KDM2B: variants seen among roughly 807,000 people sequenced by gnomAD.
KDM2B encodes the protein lysine-specific demethylase 2B.
KDM2B carries 26 observed loss-of-function variants against 150.0 expected under a neutral mutation model. The ratio of observed to expected loss-of-function variants is 0.17; its 90% CI spans 0.13 to 0.24. The LOEUF (loss-of-function observed/expected upper bound fraction) is 0.24. Ranked by LOEUF, KDM2B falls within the 10% of genes least tolerant of loss-of-function variation. KDM2B has a pLI of 1.00. For missense variants in KDM2B, 1,265 were observed against 1,816.9 expected, an observed-to-expected ratio of 0.70 and a Z score of 5.52; for synonymous variants, 734 against 729.5, an observed-to-expected ratio of 1.01 and a Z score of -0.10.
intron 22 of KDM2B, among the ~76,000 whole-genome samples, chr12:121,439,537 C>A (rs573289434): frequency 6.6e-6 from 1 of 151,798 alleles, no homozygotes; most frequent in Non-Finnish European, 1.5e-5. Context: ...CGGCCACCAA[C>A]CCCCGGCTAA....
chr12:121,570,702 C>A (rs1157662536), intron 4 of KDM2B, among the ~76,000 whole-genome samples: 1 of 152,044 alleles, frequency 6.6e-6, no homozygotes, highest in African/African-American at 2.4e-5. Context: ...GAAACCAGAA[C>A]CCCTACACAC....
chr12:121,495,165 T>C (rs1883791029), intron 11 of KDM2B, among the ~76,000 whole-genome samples: 1 of 135,916 alleles, frequency 7.4e-6, no homozygotes, highest in African/African-American at 2.9e-5. Flanking sequence ...CCTGGCTAAA[T>C]TTTTTTTTTT....
chr12:121,542,743 C>A (rs2141842968), intron 6 of KDM2B, among the ~76,000 whole-genome samples: 1 of 152,272 alleles, frequency 6.6e-6, no homozygotes, highest in Admixed American at 6.5e-5. Context: ...CAGAGATGCA[C>A]CTTGTCTTCA....
chr12:121,423,395 G>C, the KDM2B span: 1 of 1,605,570 alleles, frequency 6.2e-7, no homozygotes, highest in Non-Finnish European at 8.5e-7. The surrounding 1 kb of genome is among the most constrained non-coding windows in gnomAD (Gnocchi z 4.3). Flanking sequence ...GATGGCGAGC[G>C]GCTGCAGCTG....
At chr12:121,529,672 G>A (rs916518689) in intron 8 of KDM2B, among the ~76,000 whole-genome samples, 1 of 152,046 alleles carries the variant, frequency 6.6e-6, no homozygotes, top group African/African-American at 2.4e-5. Context: ...GCTCATGTCT[G>A]TAATCCCAGC....
In KDM2B at chr12:121,467,393, G is replaced by A; in HGVS notation, c.1735-14049C>T. The A allele has an allele frequency of 2.1e-6, 2 of 963,988 alleles. No homozygotes were observed. The allele number at this position is 963,988 out of a possible 1,614,324, so 59.7% of individuals were successfully genotyped here. A position where few individuals can be genotyped will look rare whatever the true frequency, so the allele number is the denominator to read the frequency against. Reference sequence around the variant, plus strand: ...ACGCCCGCGCTGGAGGGGGCGGGGAGGGGCCGGCGGGGGAGGGCCGGGGCG... The same window carrying A: ...ACGCCCGCGCTGGAGGGGGCGGGGAAGGGCCGGCGGGGGAGGGCCGGGGCG... On this transcript the variant is annotated intron_variant, in intron 12 of 22. Coordinates refer to ENST00000377071, the MANE Select transcript of KDM2B (RefSeq NM_032590.5). This position sits in a 1 kb window ranked among gnomAD's most constrained non-coding sequence, Gnocchi z 5.1.
chr12:121,534,217 C>T (rs1555308317), intron 7 of KDM2B, among the ~76,000 whole-genome samples: 3 of 151,936 alleles, frequency 2.0e-5, no homozygotes, highest in East Asian at 1.9e-4. Context: ...GGCGTGGTAG[C>T]AGGCACTTGT....
At chr12:121,541,395 CAAAAAAAAAAA>C (rs59029432) in intron 6 of KDM2B, among the ~76,000 whole-genome samples, 2 of 29,346 alleles carry the variant, frequency 6.8e-5, no homozygotes, top group African/African-American at 1.7e-4. Context: ...GCCCCTGTCT[CAAAAAAAAAAA>C]AAAAAAAAAA....
intron 4 of KDM2B, among the ~76,000 whole-genome samples, chr12:121,572,554 C>T (rs531005921): frequency 1.2e-4 from 18 of 152,342 alleles, no homozygotes; most frequent in Non-Finnish European, 1.9e-4. Context: ...CCAGAGAGGG[C>T]CTCCCTGACC....
chr12:121,416,798 A>ATTAGC, the KDM2B span, among the ~76,000 whole-genome samples: 2 of 152,360 alleles, frequency 1.3e-5, no homozygotes, highest in South Asian at 4.1e-4. Flanking sequence ...ATTCAACATC[A>ATTAGC]AATACTTAGC....
chr12:121,462,555 A>G (rs1160240563), intron 12 of KDM2B, among the ~76,000 whole-genome samples: 1 of 150,978 alleles, frequency 6.6e-6, no homozygotes, highest in Admixed American at 6.6e-5. Context: ...GTGCAGTGGC[A>G]CAATCTCAGC....
chr12:121,440,892 C>T lies in KDM2B; in HGVS notation c.3534G>A (p.Leu1178=). Residue 1178 remains leucine (L), a synonymous_variant, in exon 21 of 23, where the codon CTG becomes CTA. Transcript: ENST00000377071. ...TTAGTCCCTCCACCCACTGGACATC[C>T]AGGGTCCGGAGCAGCGGACAACTGG... ...CSSSCPLLRT[L]DVQWVEGLKD... is the part of the protein sequence containing the mutation. 2.5e-6 allele frequency: 4 copies of T among 1,614,074 alleles called. No homozygotes were observed. Among genetic ancestry groups the T allele is most frequent in the Non-Finnish European group, 2.5e-6 (3 of 1,179,986 alleles).
chr12:121,433,166 A>G (rs1352872102), intron 22 of KDM2B: 3 of 456,578 alleles, frequency 6.6e-6, no homozygotes, highest in African/African-American at 6.0e-5. Flanking sequence ...TGGTTCACAT[A>G]TTCCCCAAAA....
chr12:121,442,395 G>A lies in KDM2B; in HGVS notation c.3046C>T (p.Leu1016=), dbSNP rs781967080. ...GAGATGACACGGGGCGGGCTGCGCA[G>A]GCTGGGCCCCAGCTGGTGCCGCAGC... The part of the protein sequence containing the change: ...RELRHQLGPS[L]RSPPRVISRP... The change falls in exon 19 of 23, where the codon CTG becomes TTG. Residue 1016 remains leucine, a synonymous_variant. Transcript: ENST00000377071. This position sits in a 1 kb window ranked among gnomAD's most constrained non-coding sequence, Gnocchi z 7.7. 9 of 1,595,830 alleles carry A rather than the reference G, an allele frequency of 5.6e-6. No individual in the cohort carries two copies. The African/African-American group carries it at 1.2e-4, about 21-fold the overall frequency.
At chr12:121,422,475 C>T in the KDM2B span, among the ~76,000 whole-genome samples, 1 of 152,262 alleles carries the variant, frequency 6.6e-6, no homozygotes, top group Non-Finnish European at 1.5e-5. Context: ...TATCTGCCAT[C>T]TCATCCCATA....
At position 121,578,903 on chromosome 12, in the gene KDM2B, G is replaced by C. The variant is rs1566441147; in HGVS notation, c.170C>G (p.Ser57Trp). ...RQRYDENEDLSDVEEIVSVRG... is the reference protein window; with the variant it reads ...RQRYDENEDLWDVEEIVSVRG... ...GACGCTGACGATCTCCTCCACGTCC[G>C]ACAAGTCCTCGTTCTCGTCGTATCG... Residue 57 changes from serine (S) to tryptophan (W), a missense_variant, in exon 2 of 23, where the codon TCG (serine) becomes TGG (tryptophan). Physicochemically the swap from Ser to Trp is radical, Grantham distance 177 (BLOSUM62 -3). Transcript: ENST00000377071. 6.2e-7 allele frequency: 1 copy of C among 1,612,808 alleles called. No homozygotes were observed. The highest frequency in any genetic ancestry group is 8.5e-7 in the Non-Finnish European group (1 of 1,179,600).
chr12:121,443,002 A>T lies in KDM2B; in HGVS notation c.2594T>A (p.Phe865Tyr). ...QLKPGKEDKL[F>Y]RKKRRSWKNA... Reference sequence around the variant, plus strand: ...AGGGGAAGATGGTACCTTTTTCCTGAAAAGCTTATCTTCTTTGCCAGGTTT... The same window carrying T: ...AGGGGAAGATGGTACCTTTTTCCTGTAAAGCTTATCTTCTTTGCCAGGTTT... Residue 865 changes from phenylalanine (F) to tyrosine (Y), a missense_variant, in exon 18 of 23, where the codon TTC becomes TAC. Phe to Tyr is a conservative substitution (Grantham distance 22). Around this residue, in one of 11 missense-constraint regions of KDM2B, gnomAD observed 418 missense variants for 402.4 expected, o/e 1.04. Transcript: ENST00000377071. The T allele has an allele frequency of 6.2e-7, 1 of 1,613,362 alleles. No individual in the cohort carries two copies. The highest frequency in any genetic ancestry group is 8.5e-7 in the Non-Finnish European group (1 of 1,179,704).
At chr12:121,562,118 C>T (rs1257235211) in intron 4 of KDM2B, among the ~76,000 whole-genome samples, 5 of 147,842 alleles carry the variant, frequency 3.4e-5, no homozygotes, top group Non-Finnish European at 6.0e-5. Flanking sequence ...TGCAGCGAGC[C>T]GAGATCAAGC....
chr12:121,456,317 C>G (rs1201126187), intron 12 of KDM2B, among the ~76,000 whole-genome samples: 2 of 152,238 alleles, frequency 1.3e-5, no homozygotes, highest in African/African-American at 2.4e-5. Flanking sequence ...TGCAGAGAAG[C>G]ACGGCTACTT....
Sources: gnomAD v4.1 joint callset for allele counts (sites outside exome capture counted in the v4.1 genomes callset) on GRCh38, gnomAD v4.1.1 for gene constraint, gnomAD v4.1.1 regional missense constraint, Gnocchi (gnomAD v3.1) non-coding constraint, MANE v1.5 for transcripts, NCBI Gene and HGNC (gene_info 2026-07-23, HGNC 2026-07-21) for gene names.